The following HEATR1 variants were observed in gnomAD, a reference collection of about 807,000 sequenced individuals.
HEATR1 encodes HEAT repeat containing 1, also known as HEAT repeat-containing protein 1.
In HEATR1, 77 loss-of-function variants were observed where a neutral mutation model predicts 248.2. The observed-to-expected ratio is 0.31, with a 90% CI of 0.26 to 0.37. The LOEUF (loss-of-function observed/expected upper bound fraction) is 0.37, where lower values mean the gene tolerates loss of function less well. Among genes scored for constraint, HEATR1 ranks in the 10% least tolerant of loss-of-function variants. HEATR1 has a pLI of 1.00. For synonymous variants in HEATR1, 897 were observed against 923.1 expected (o/e 0.97, Z 0.51); for missense variants, 2,420 against 2,504.9 (o/e 0.97, Z 0.72).
intron 3 of HEATR1, 32 bp downstream of exon 3, chr1:236,603,127 AC>A (rs746604454): frequency 1.3e-5 from 20 of 1,520,712 alleles, no homozygotes; most frequent in Non-Finnish European, 1.7e-5. Flanking sequence ...AAAGTGATTA[AC>A]CCATAGTTAT....
chr1:236,581,979 C>A (rs910463320), intron 19 of HEATR1, among the ~76,000 whole-genome samples: 7 of 151,762 alleles, frequency 4.6e-5, no homozygotes, highest in Non-Finnish European at 1.5e-5. Flanking sequence ...TTCAACCTAC[C>A]GATTAGTATT....
rs996901705 is a variant in HEATR1 at position 236,559,824 on chromosome 1, C to T, written c.4660G>A (p.Val1554Ile). The change falls in exon 34 of 45, where the codon GTT (valine) becomes ATT (isoleucine). Residue 1554 changes from valine to isoleucine, a missense_variant. Coordinates refer to ENST00000366582, the MANE Select transcript of HEATR1 (RefSeq NM_018072.6). ...GCAACTGCACTGATATAGCCGAGAA[C>T]GGTCTCCAGCAACCTGAAACACAGA... ...KGLEERLLET[V>I]LGYISAVAQS... The T allele has an allele frequency of 5.6e-6, 9 of 1,607,156 alleles. No individual in the cohort carries two copies. In the East Asian group the frequency reaches 1.6e-4, roughly 28 times the overall value.
At chr1:236,604,272 T>A in intron 1 of HEATR1, 145 bp from the exon 2 acceptor site, 1 of 572,312 alleles carries the variant, frequency 1.7e-6, no homozygotes, top group Non-Finnish European at 2.8e-6. Context: ...GCAAAGACGA[T>A]GGCAGCAGCG....
In HEATR1 at chr1:236,596,006, T is replaced by C. The variant is rs1214291640; in HGVS notation, c.783A>G (p.Thr261=). Residue 261 remains threonine (T), a synonymous_variant, in exon 7 of 45, where the codon ACA becomes ACG. Transcript: ENST00000366582. The part of the protein sequence containing the change: ...KSSLPDYRAA[T]YMIICQISVK... ...CAGAAATCTGACATATTATCATGTA[T>C]GTTGCAGCTCTGTAATCTGGTAAAG... The C allele has an allele frequency of 3.1e-6, 5 of 1,613,568 alleles. No individual in the cohort carries two copies. The highest frequency in any genetic ancestry group is 1.7e-5 in the Admixed American group (1 of 60,012).
rs749182752 is a variant in HEATR1 at position 236,574,207 on chromosome 1, T to A, written c.3454A>T (p.Lys1152Ter). 1 of 1,600,916 alleles carries A rather than the reference T, an allele frequency of 6.2e-7. No homozygotes were observed. Among genetic ancestry groups the A allele is most frequent in the South Asian group, 1.2e-5 (1 of 86,900 alleles). Residue 1152 changes from lysine (K) to a stop codon, truncating the protein, a stop_gained, in exon 24 of 45, where the codon AAA becomes TAA. Transcript: ENST00000366582. LOFTEE classifies it high-confidence loss of function. ...ACAAGAAGTTTGCAGCTTACCCCTT[T>A]AAAAACACTGCTGACAGTCTGAGCA... Reference protein sequence around the residue: ...HCAQTVSSVFKGISVNAEQVR... With the variant: ...HCAQTVSSVF
rs1664217405 is a variant in HEATR1 at position 236,597,859 on chromosome 1, C to T, written c.603+19G>A. 3 of 1,506,790 alleles carry T rather than the reference C, an allele frequency of 2.0e-6. No individual in the cohort carries two copies. The allele number at this position is 1,506,790 out of a possible 1,614,324, so 93.3% of individuals were successfully genotyped here. A position where few individuals can be genotyped will look rare whatever the true frequency, so the allele number is the denominator to read the frequency against. ...CAATCTTTTCATAAAATTATATACT[C>T]ATGAAACAGACTGCTCACCTTCACA... On this transcript the variant is annotated intron_variant, in intron 5 of 44. Coordinates refer to ENST00000366582, the MANE Select transcript of HEATR1 (RefSeq NM_018072.6).
At chr1:236,583,484 CTTTT>C (rs373107503) in intron 17 of HEATR1, among the ~76,000 whole-genome samples, 147 of 115,204 alleles carry the variant, frequency 1.3e-3, no homozygotes, top group East Asian at 2.8e-3. Flanking sequence ...AGGCATATTT[CTTTT>C]TTTTTTTTTT....
intron 38 of HEATR1, 76 bp from the exon 39 acceptor site, chr1:236,556,015 T>C: frequency 1.2e-6 from 2 of 1,605,816 alleles, no homozygotes; most frequent in Non-Finnish European, 1.7e-6. Flanking sequence ...TTTTAAAAAC[T>C]AAATCTTCTT....
rs1663031333 is a variant in HEATR1, at chr1:236,558,314, A to C, written c.5127T>G (p.Asn1709Lys). The C allele has an allele frequency of 6.2e-7, 1 of 1,614,060 alleles. No homozygotes were observed. The highest frequency in any genetic ancestry group is 1.7e-5 in the Admixed American group (1 of 60,004). The change falls in exon 36 of 45, where the codon AAT becomes AAG. Residue 1709 changes from asparagine to lysine, a missense_variant. Coordinates refer to ENST00000366582, the MANE Select transcript of HEATR1 (RefSeq NM_018072.6). ...LIAPERKEEK[N>K]VLGSALLCIA... ...TGCACAGCAGCGCGCTTCCCAGGAC[A>C]TTCTTCTCCTCCTTTCTCTCTGGAG...
chr1:236,569,302 A>G (rs1220443750), intron 28 of HEATR1, among the ~76,000 whole-genome samples, 178 bp from the exon 29 acceptor site: 2 of 152,140 alleles, frequency 1.3e-5, no homozygotes, highest in Non-Finnish European at 2.9e-5. Flanking sequence ...CAGCCTCCTG[A>G]GTAGCTAGGA....
chr1:236,597,118 A>T, intron 5 of HEATR1, 142 bp from the exon 6 acceptor site: 3 of 476,332 alleles, frequency 6.3e-6, no homozygotes, highest in Non-Finnish European at 1.0e-5. Flanking sequence ...AAGCAAGTCC[A>T]TGTCTCCAAA....
intron 9 of HEATR1, among the ~76,000 whole-genome samples, chr1:236,593,489 C>T (rs1558191402): frequency 6.7e-6 from 1 of 149,450 alleles, no homozygotes; most frequent in East Asian, 2.0e-4. Flanking sequence ...ACCTCCAAAA[C>T]TTACTATAGC....
intron 5 of HEATR1, among the ~76,000 whole-genome samples, 198 bp downstream of exon 5, chr1:236,597,680 G>C (rs1329896698): frequency 2.1e-5 from 3 of 142,348 alleles, no homozygotes; most frequent in Non-Finnish European, 4.6e-5. Context: ...AACACCTTTG[G>C]TGATAAAAGA....
chr1:236,595,666 G>A lies in HEATR1; in HGVS notation c.964C>T (p.Pro322Ser). The A allele has an allele frequency of 1.2e-6, 2 of 1,611,004 alleles. No homozygotes were observed. The highest frequency in any genetic ancestry group is 1.7e-6 in the Non-Finnish European group (2 of 1,178,392). ...KPESLGKKPF[P>S]HLCNVPDLIT... ...AGATCAGGAACATTACATAAGTGAG[G>A]GAATGGCCTTTGAAGAAGCAAAAGT... is the stretch of plus-strand genomic sequence containing the variant. Residue 322 changes from proline (P) to serine (S), a missense_variant, in exon 8 of 45, where the codon CCT (proline) becomes TCT (serine). Pro to Ser is a moderately conservative substitution (Grantham distance 74, BLOSUM62 -1). Transcript: ENST00000366582.
Position 236,604,033 on chromosome 1 carries a change from T to A in HEATR1, c.63A>T (p.Leu21Phe), listed in dbSNP as rs528420179. 25 of 1,593,822 alleles carry A rather than the reference T, an allele frequency of 1.6e-5. No individual in the cohort carries two copies. The highest frequency in any genetic ancestry group is 1.9e-5 in the Non-Finnish European group (22 of 1,172,554). ...LALPQSDASL[L>F]SRDEVASLLF... is the part of the protein sequence containing the mutation. ...ACAAAGAAGCAACTTCATCTCTAGA[T>A]AAGAGGCTGGCATCACTTTGAGGGA... Residue 21 changes from leucine (L) to phenylalanine (F), a missense_variant, in exon 2 of 45, where the codon TTA becomes TTT. Leu to Phe is a conservative substitution (Grantham distance 22). Coordinates refer to ENST00000366582, the MANE Select transcript of HEATR1 (RefSeq NM_018072.6).
intron 24 of HEATR1, among the ~76,000 whole-genome samples, chr1:236,573,566 GTCATA>G (rs1663487808): frequency 1.3e-5 from 2 of 151,736 alleles, no homozygotes; most frequent in Admixed American, 1.3e-4. Flanking sequence ...TGGCATTGTA[GTCATA>G]TCCACTTTTC....
chr1:236,586,096 T>C, intron 15 of HEATR1, 145 bp downstream of exon 15: 1 of 1,243,556 alleles, frequency 8.0e-7, no homozygotes, highest in East Asian at 2.5e-5. Context: ...ATTGGCTTCC[T>C]TTTCACTGTA....
chr1:236,597,080 G>A (rs958211343), intron 5 of HEATR1, 104 bp from the exon 6 acceptor site: 8 of 991,356 alleles, frequency 8.1e-6, no homozygotes, highest in South Asian at 5.0e-5. Context: ...AACTATGATG[G>A]CACCACTGTA....
intron 43 of HEATR1, 88 bp downstream of exon 43, chr1:236,553,493 A>C: frequency 7.8e-7 from 1 of 1,282,038 alleles, no homozygotes; most frequent in Non-Finnish European, 1.1e-6. Flanking sequence ...CCAGTTTACT[A>C]GGGGGCCTAC....
Sources: allele counts gnomAD v4.1 joint callset (sites outside exome capture counted in the v4.1 genomes callset), GRCh38; gene constraint gnomAD v4.1.1; transcripts MANE v1.5; gene names NCBI Gene and HGNC (gene_info 2026-07-23, HGNC 2026-07-21).